Variants in UMAD1 observed in about 807,000 individuals in gnomAD.
UMAD1 encodes UBAP1-MVB12-associated (UMA)-domain containing protein 1.
A neutral mutation model predicts 6.1 loss-of-function variants in UMAD1; 8 were observed. The observed-to-expected ratio is 1.30, with a 90% CI of 0.76 to 2.35. UMAD1 has a LOEUF of 2.35. Among genes scored for constraint, UMAD1 ranks in the 30% most tolerant of loss-of-function variants. UMAD1 has a pLI of 0.00. For synonymous variants in UMAD1, 56 were observed against 31.4 expected, an observed-to-expected ratio of 1.78 and a Z score of -2.61; for missense variants, 130 against 78.4, an observed-to-expected ratio of 1.66 and a Z score of -2.49.
chr7:7,825,935 A>G (rs1239331998), intron 3 of UMAD1, among the ~76,000 whole-genome samples: 1 of 152,168 alleles, frequency 6.6e-6, no homozygotes, highest in Admixed American at 6.6e-5. Flanking sequence ...TAACTTACAC[A>G]CATCCTTTCC....
intron 2 of UMAD1, among the ~76,000 whole-genome samples, chr7:7,780,972 A>T (rs1432978567): frequency 6.6e-6 from 1 of 152,218 alleles, no homozygotes; most frequent in Non-Finnish European, 1.5e-5. Flanking sequence ...TATAATAAAC[A>T]TCTTTCTGTA....
intron 3 of UMAD1, among the ~76,000 whole-genome samples, chr7:7,865,689 GT>G (rs1298321192): frequency 6.6e-6 from 1 of 152,178 alleles, no homozygotes; most frequent in Non-Finnish European, 1.5e-5. Flanking sequence ...CCCTGTTGCT[GT>G]TCATGTCCAT....
chr7:7,790,485 A>G (rs527432700), intron 2 of UMAD1, among the ~76,000 whole-genome samples: 56 of 152,218 alleles, frequency 3.7e-4, no homozygotes, highest in Non-Finnish European at 6.8e-4. Flanking sequence ...CATAACCCTA[A>G]ACTTGGATTC....
intron 3 of UMAD1, among the ~76,000 whole-genome samples, chr7:7,866,056 T>C (rs908719801): frequency 6.6e-6 from 1 of 152,228 alleles, no homozygotes; most frequent in African/African-American, 2.4e-5. Flanking sequence ...ATACCATCCA[T>C]AGTTTATCAT....
chr7:7,649,401 C>T (rs1038648025), intron 1 of UMAD1, among the ~76,000 whole-genome samples: 8 of 152,084 alleles, frequency 5.3e-5, no homozygotes, highest in Non-Finnish European at 1.2e-4. Context: ...TGGCATTAAT[C>T]CATTTATGAG....
At chr7:7,792,831 C>T (rs374023555) in intron 2 of UMAD1, among the ~76,000 whole-genome samples, 92 of 152,248 alleles carry the variant, frequency 6.0e-4, no homozygotes, top group African/African-American at 1.8e-3. Flanking sequence ...CTGGTGAGGG[C>T]GCACTTTTTG....
chr7:7,790,507 G>A (rs990958039), intron 2 of UMAD1, among the ~76,000 whole-genome samples: 1 of 152,186 alleles, frequency 6.6e-6, no homozygotes, highest in Non-Finnish European at 1.5e-5. Flanking sequence ...GGCCCATTCA[G>A]GCCCTTCTTC....
chr7:7,823,129 A>G (rs987291839), intron 3 of UMAD1, among the ~76,000 whole-genome samples: 3 of 152,234 alleles, frequency 2.0e-5, no homozygotes, highest in East Asian at 1.9e-4. Context: ...AGTTTTTATA[A>G]TTAGTCATTT....
chr7:7,643,449 G>T lies in UMAD1; in HGVS notation c.-64+2628G>T, dbSNP rs1785020621. On this transcript the variant is annotated intron_variant, in intron 1 of 3. Transcript: ENST00000682710. ...ATCAGGGCCGGGCGCGGTGGCTCACGCCTGTAATCCCAGCACTTTGGGAGG... is the reference window on the plus strand; with the variant it reads ...ATCAGGGCCGGGCGCGGTGGCTCACTCCTGTAATCCCAGCACTTTGGGAGG... 1.3e-5 allele frequency among the ~76,000 whole-genome samples: 2 copies of T among 152,214 alleles called. 1 individual carries two copies. The highest frequency in any genetic ancestry group is 4.8e-5 in the African/African-American group (2 of 41,462).
At chr7:7,723,778 A>T (rs1463811997) in intron 2 of UMAD1, among the ~76,000 whole-genome samples, 1 of 152,198 alleles carries the variant, frequency 6.6e-6, no homozygotes, top group East Asian at 1.9e-4. Context: ...AAGGCAAGGT[A>T]GGCATAGCTA....
intron 2 of UMAD1, among the ~76,000 whole-genome samples, chr7:7,728,228 A>G (rs933001662): frequency 6.6e-6 from 1 of 151,546 alleles, no homozygotes; most frequent in Non-Finnish European, 1.5e-5. Context: ...AACTTGACAT[A>G]AAGATCTAGG....
chr7:7,680,276 C>T (rs1779876779), intron 2 of UMAD1, among the ~76,000 whole-genome samples: 1 of 152,050 alleles, frequency 6.6e-6, no homozygotes, highest in Non-Finnish European at 1.5e-5. Flanking sequence ...CCAGTTTTCC[C>T]AGCACCACTG....
At chr7:7,755,407 T>TA (rs1263390928) in intron 2 of UMAD1, among the ~76,000 whole-genome samples, 1 of 152,220 alleles carries the variant, frequency 6.6e-6, no homozygotes, top group Non-Finnish European at 1.5e-5. Flanking sequence ...GAAATGGTGT[T>TA]ATGGCAGATA....
chr7:7,744,363 A>G (rs775794110), intron 2 of UMAD1, among the ~76,000 whole-genome samples: 1 of 152,218 alleles, frequency 6.6e-6, no homozygotes, highest in Non-Finnish European at 1.5e-5. Flanking sequence ...GGATATAATG[A>G]ATAATGCTGC....
chr7:7,788,193 G>A (rs1782495860), intron 2 of UMAD1, among the ~76,000 whole-genome samples: 3 of 152,228 alleles, frequency 2.0e-5, no homozygotes, highest in Admixed American at 6.5e-5. Context: ...GATTGCATAT[G>A]TGTGAAGTGG....
chr7:7,648,731 T>C (rs13247134), intron 1 of UMAD1, among the ~76,000 whole-genome samples: 20,805 of 151,946 alleles, frequency 0.14, 1,851 homozygotes, highest in Middle Eastern at 0.2. Context: ...TGTGTGCCTG[T>C]GGTCCTAGCT....
chr7:7,791,529 GT>G (rs1381907659), intron 2 of UMAD1, among the ~76,000 whole-genome samples: 5 of 152,170 alleles, frequency 3.3e-5, no homozygotes, highest in African/African-American at 7.2e-5. Flanking sequence ...GGCCTTTTCA[GT>G]TTCTAGTCTT....
intron 1 of UMAD1, among the ~76,000 whole-genome samples, chr7:7,642,130 T>G (rs1784987536): frequency 6.6e-6 from 1 of 152,104 alleles, no homozygotes; most frequent in Non-Finnish European, 1.5e-5. Context: ...CACACATCAA[T>G]GTCTTTAATA....
intron 2 of UMAD1, among the ~76,000 whole-genome samples, chr7:7,684,092 C>G (rs1382852670): frequency 6.6e-6 from 1 of 152,146 alleles, no homozygotes; most frequent in African/African-American, 2.4e-5. Flanking sequence ...TAAATCATCC[C>G]TAGATTACTA....
Sources: allele counts gnomAD v4.1 joint callset (sites outside exome capture counted in the v4.1 genomes callset), GRCh38; gene constraint gnomAD v4.1.1; transcripts MANE v1.5; gene names NCBI Gene and HGNC (gene_info 2026-07-23, HGNC 2026-07-21).